Variants in RHBDD1 observed in about 807,000 individuals in gnomAD.
RHBDD1 encodes rhomboid domain containing 1.
In RHBDD1, 38 loss-of-function variants were observed where a neutral mutation model predicts 36.3. The observed-to-expected ratio is 1.05, with a 90% CI of 0.81 to 1.37. The LOEUF (loss-of-function observed/expected upper bound fraction) is 1.37, where lower values mean the gene tolerates loss of function less well. RHBDD1 is among the 40% of genes most tolerant of loss of function. The pLI is 0.00. For synonymous variants in RHBDD1, 151 were observed against 136.5 expected (o/e 1.11, Z -0.74); for missense variants, 393 against 377.6 (o/e 1.04, Z -0.34).
intron 1 of RHBDD1, among the ~76,000 whole-genome samples, chr2:226,836,616 C>T (rs531409106): frequency 2.6e-5 from 4 of 152,310 alleles, no homozygotes; most frequent in African/African-American, 9.6e-5. Context: ...TTACAAGAAA[C>T]GGATCACAGC....
chr2:226,865,584 G>A (rs1944256346), intron 4 of RHBDD1, among the ~76,000 whole-genome samples: 1 of 152,156 alleles, frequency 6.6e-6, no homozygotes, highest in Admixed American at 6.5e-5. Context: ...AGGCAGCAAG[G>A]GAAAACAGGA....
intron 8 of RHBDD1, among the ~76,000 whole-genome samples, chr2:226,928,804 G>A (rs912555024): frequency 6.6e-6 from 1 of 151,944 alleles, no homozygotes; most frequent in Non-Finnish European, 1.5e-5. Flanking sequence ...AGCTGAATTA[G>A]AAATGAAAAT....
the RHBDD1 span, among the ~76,000 whole-genome samples, chr2:226,805,911 C>A: frequency 6.6e-6 from 1 of 152,140 alleles, no homozygotes; most frequent in Non-Finnish European, 1.5e-5. Context: ...CAAGGCAAAT[C>A]ATCATAACTT....
intron 8 of RHBDD1, among the ~76,000 whole-genome samples, chr2:226,990,553 T>A (rs1957957444): frequency 6.6e-6 from 1 of 152,190 alleles, no homozygotes; most frequent in South Asian, 2.1e-4. Context: ...TCTATTTACA[T>A]GGATGGCGAA....
At chr2:226,870,863 TGAG>T (rs957026516) in intron 5 of RHBDD1, among the ~76,000 whole-genome samples, 20 of 151,774 alleles carry the variant, frequency 1.3e-4, no homozygotes, top group African/African-American at 3.9e-4. Context: ...ATCTTCACAT[TGAG>T]GAGGAGGAGG....
chr2:226,936,717 A>G (rs1950354424), intron 8 of RHBDD1, among the ~76,000 whole-genome samples: 1 of 152,126 alleles, frequency 6.6e-6, no homozygotes, highest in Non-Finnish European at 1.5e-5. Context: ...ACCGTCATTC[A>G]TTCTGCTACT....
chr2:226,813,558 A>G, the RHBDD1 span, among the ~76,000 whole-genome samples: 2 of 152,214 alleles, frequency 1.3e-5, no homozygotes, highest in Admixed American at 6.5e-5. Flanking sequence ...TAGAATGGCA[A>G]TTAGATTAGG....
intron 5 of RHBDD1, among the ~76,000 whole-genome samples, chr2:226,887,308 G>A (rs898674929): frequency 2.0e-5 from 3 of 152,118 alleles, no homozygotes; most frequent in Admixed American, 6.5e-5. Flanking sequence ...TCTCTGATGT[G>A]TTCTAATTGC....
intron 3 of RHBDD1, among the ~76,000 whole-genome samples, chr2:226,857,396 CAT>C (rs1943439189): frequency 6.6e-6 from 1 of 152,012 alleles, no homozygotes; most frequent in Admixed American, 6.6e-5. Context: ...GAAAGTTAAA[CAT>C]AAAGTCAACC....
intron 8 of RHBDD1, among the ~76,000 whole-genome samples, chr2:226,986,473 TA>T (rs1183211545): frequency 2.0e-5 from 3 of 151,994 alleles, no homozygotes; most frequent in Non-Finnish European, 4.4e-5. Context: ...AAAAGTTTAT[TA>T]AAAAAATTTA....
chr2:226,948,318 C>G (rs1290433609), intron 8 of RHBDD1, among the ~76,000 whole-genome samples: 5 of 146,084 alleles, frequency 3.4e-5, no homozygotes, highest in Admixed American at 7.1e-5. Context: ...ATCGCAAGAT[C>G]AAAAAACCAA....
the RHBDD1 span, among the ~76,000 whole-genome samples, chr2:226,828,484 A>G: frequency 6.6e-6 from 1 of 152,216 alleles, no homozygotes; most frequent in East Asian, 1.9e-4. Flanking sequence ...AACTTTCTAA[A>G]AAACTGCATA....
intron 3 of RHBDD1, among the ~76,000 whole-genome samples, chr2:226,852,881 G>A (rs907995232): frequency 4.0e-5 from 6 of 149,098 alleles, no homozygotes; most frequent in African/African-American, 1.2e-4. Context: ...TTATAGGTGT[G>A]TGCCACTGCA....
chr2:226,816,375 C>CAA, the RHBDD1 span, among the ~76,000 whole-genome samples: 180 of 64,840 alleles, frequency 2.8e-3, 1 homozygote, highest in East Asian at 6.0e-3. Flanking sequence ...GGAATGGTGG[C>CAA]AAAAAAAAAA....
At position 226,906,867 on chromosome 2, in the gene RHBDD1, T is replaced by C. The variant is rs1948095726; in HGVS notation, c.641T>C (p.Met214Thr). The change falls in exon 6 of 9, where the codon ATG becomes ACG. Residue 214 changes from methionine (M) to threonine (T), a missense_variant. Physicochemically the swap from Met to Thr is moderately conservative, Grantham distance 81 (BLOSUM62 -1). Coordinates refer to ENST00000392062, the MANE Select transcript of RHBDD1 (RefSeq NM_001167608.3). ...ACTCAAGGGCCTCTGAAGAAAATCA[T>C]GGAAGCATGTGCAGGTACAGAATAA... ...MYTQGPLKKI[M>T]EACAGGFSSS... The C allele has an allele frequency of 5.6e-6, 9 of 1,614,182 alleles. No homozygotes were observed. The East Asian group carries it at 1.6e-4, about 28-fold the overall frequency.
At chr2:226,929,307 C>T (rs890418219) in intron 8 of RHBDD1, among the ~76,000 whole-genome samples, 1 of 152,074 alleles carries the variant, frequency 6.6e-6, no homozygotes, top group Non-Finnish European at 1.5e-5. Context: ...TTACCATGAA[C>T]AAATGAGTGT....
At chr2:226,989,094 G>A (rs967355008) in intron 8 of RHBDD1, among the ~76,000 whole-genome samples, 2 of 152,220 alleles carry the variant, frequency 1.3e-5, no homozygotes, top group African/African-American at 4.8e-5. Context: ...GAGAATAGGC[G>A]GGGATCTAGG....
At chr2:226,940,346 T>G (rs1950586787) in intron 8 of RHBDD1, among the ~76,000 whole-genome samples, 1 of 152,184 alleles carries the variant, frequency 6.6e-6, no homozygotes, top group South Asian at 2.1e-4. Flanking sequence ...AACTATCTAA[T>G]TGTACGCATC....
intron 6 of RHBDD1, chr2:226,908,306 C>T (rs1948220467): frequency 1.3e-5 from 2 of 152,576 alleles, no homozygotes; most frequent in Admixed American, 6.5e-5. Context: ...GAGGGTCACC[C>T]TGAGGGTGTG....
Sources: allele counts gnomAD v4.1 joint callset (sites outside exome capture counted in the v4.1 genomes callset), GRCh38; gene constraint gnomAD v4.1.1; transcripts MANE v1.5; gene names NCBI Gene and HGNC (gene_info 2026-07-23, HGNC 2026-07-21).